ASNS: variants seen among roughly 807,000 people sequenced by gnomAD.
ASNS encodes asparagine synthetase (glutamine-hydrolyzing).
Under a neutral mutation model 62.6 loss-of-function variants are expected in ASNS, and 37 were observed. The ratio of observed to expected loss-of-function variants is 0.59; its 90% CI spans 0.45 to 0.78. ASNS has a LOEUF of 0.78. ASNS is among the 30% of genes least tolerant of loss of function. The pLI, the probability that ASNS is intolerant of heterozygous loss-of-function variation, is 0.00. For missense variants in ASNS, 520 were observed against 682.4 expected (o/e 0.76, Z 2.65); for synonymous variants, 207 against 237.9 (o/e 0.87, Z 1.19).
the ASNS span, among the ~76,000 whole-genome samples, chr7:97,909,245 C>T: frequency 1.3e-5 from 2 of 150,714 alleles, no homozygotes; most frequent in Non-Finnish European, 2.9e-5. Context: ...AAATGAAGTA[C>T]CTCCATCCCC....
At chr7:97,908,850 C>G in the ASNS span, 1 of 152,154 alleles carries the variant, frequency 6.6e-6, no homozygotes, top group Non-Finnish European at 1.5e-5. Context: ...TTTTGTGGCT[C>G]CAGCCCCAGG....
At chr7:97,927,365 C>G in the ASNS span, among the ~76,000 whole-genome samples, 1 of 152,188 alleles carries the variant, frequency 6.6e-6, no homozygotes, top group Admixed American at 6.5e-5. Flanking sequence ...ACGAGCATCC[C>G]TTAATCTCAG....
the ASNS span, among the ~76,000 whole-genome samples, chr7:97,925,724 C>T: frequency 3.7e-4 from 57 of 152,252 alleles, no homozygotes; most frequent in Admixed American, 1.8e-3. Context: ...TTACCTGGTG[C>T]GTTAATCAGG....
At chr7:97,914,181 TGGATGGATGG>T in the ASNS span, among the ~76,000 whole-genome samples, 2 of 150,934 alleles carry the variant, frequency 1.3e-5, no homozygotes. Flanking sequence ...GATGGATGGA[TGGATGGATGG>T]ATGGATGGAT....
chr7:97,915,304 C>T, the ASNS span, among the ~76,000 whole-genome samples: 129,848 of 152,198 alleles, frequency 0.85, 55,471 homozygotes, highest in East Asian at 0.91. Flanking sequence ...TAAGAGTGTG[C>T]ACCCAGCGAC....
At chr7:97,853,253 C>T (rs763195726) in intron 11 of ASNS, 38 bp from the exon 12 acceptor site, 5 of 1,607,370 alleles carry the variant, frequency 3.1e-6, no homozygotes, top group African/African-American at 2.7e-5. Context: ...GTAAAAATTA[C>T]AAATATAATC....
At chr7:97,913,150 A>G in the ASNS span, 2 of 152,108 alleles carry the variant, frequency 1.3e-5, no homozygotes, top group African/African-American at 4.8e-5. Flanking sequence ...GAAGGTCATG[A>G]TCATTGTCAG....
At chr7:97,895,523 G>T in the ASNS span, among the ~76,000 whole-genome samples, 2 of 152,234 alleles carry the variant, frequency 1.3e-5, no homozygotes, top group Non-Finnish European at 1.5e-5. Flanking sequence ...GCTGGGCATG[G>T]TAGCTCATGC....
In ASNS at chr7:97,864,259, C is replaced by A. The variant is rs755078931; in HGVS notation, c.487G>T (p.Gly163Cys). 1 of 1,609,934 alleles carries A rather than the reference C, an allele frequency of 6.2e-7. No individual in the cohort carries two copies. Among genetic ancestry groups the A allele is most frequent in the Non-Finnish European group, 8.5e-7 (1 of 1,177,456 alleles). Residue 163 changes from glycine (G) to cysteine (C), a missense_variant and splice_region_variant, in exon 4 of 13, where the codon GGT (glycine) becomes TGT (cysteine). Gly to Cys is a radical substitution (Grantham distance 159). Coordinates refer to ENST00000394308, the MANE Select transcript of ASNS (RefSeq NM_001673.5). ...GFLAVCSEAK[G>C]LVTLKHSATP... ...AATCTATAGAAAAATTTATTATTAC[C>A]TTTAGCTTCTGAACATACAGCCAAA...
the ASNS span, among the ~76,000 whole-genome samples, chr7:97,910,065 G>A: frequency 4.6e-4 from 70 of 152,172 alleles, no homozygotes; most frequent in East Asian, 0.013. Context: ...AATACAAGAC[G>A]GAGTCAAAGA....
At chr7:97,870,056 C>A (rs1418427761) in intron 1 of ASNS, 1 of 279,434 alleles carries the variant, frequency 3.6e-6, no homozygotes, top group Non-Finnish European at 6.7e-6. Flanking sequence ...AGCCCGGAAG[C>A]AAATAAATCA....
chr7:97,891,872 G>A, the ASNS span, among the ~76,000 whole-genome samples: 1 of 152,298 alleles, frequency 6.6e-6, no homozygotes, highest in Admixed American at 6.5e-5. Flanking sequence ...CAGGCACACA[G>A]TGCAAGCTGT....
At chr7:97,900,433 T>C in the ASNS span, among the ~76,000 whole-genome samples, 1 of 145,870 alleles carries the variant, frequency 6.9e-6, no homozygotes, top group Non-Finnish European at 1.5e-5. Flanking sequence ...AGAACCTTCA[T>C]ACACTGCTGG....
At chr7:97,878,199 C>A in the ASNS span, among the ~76,000 whole-genome samples, 5 of 152,162 alleles carry the variant, frequency 3.3e-5, no homozygotes, top group South Asian at 4.1e-4. Flanking sequence ...TCCTGGCCAA[C>A]CAACATGGGG....
the ASNS span, among the ~76,000 whole-genome samples, chr7:97,922,607 G>C: frequency 6.6e-6 from 1 of 152,084 alleles, no homozygotes; most frequent in Non-Finnish European, 1.5e-5. Flanking sequence ...AAAAAAATAA[G>C]TCTGGGAGGT....
chr7:97,910,217 C>T, the ASNS span, among the ~76,000 whole-genome samples: 1 of 152,206 alleles, frequency 6.6e-6, no homozygotes, highest in South Asian at 2.1e-4. Context: ...CCCTAATCAT[C>T]AGACTGGCAG....
the ASNS span, among the ~76,000 whole-genome samples, chr7:97,906,245 C>G: frequency 6.7e-6 from 1 of 150,262 alleles, no homozygotes. Flanking sequence ...ACCAGTTTCC[C>G]ACCACCACCA....
chr7:97,878,952 G>C, the ASNS span, among the ~76,000 whole-genome samples: 1 of 152,140 alleles, frequency 6.6e-6, no homozygotes, highest in Non-Finnish European at 1.5e-5. Context: ...CAGAGATATA[G>C]ACCAATGGAA....
chr7:97,903,921 G>T, the ASNS span, among the ~76,000 whole-genome samples: 2 of 152,138 alleles, frequency 1.3e-5, no homozygotes, highest in Non-Finnish European at 2.9e-5. Context: ...TATCTAAGGG[G>T]TTGCAGTATC....
Sources: gnomAD v4.1 joint callset for allele counts (sites outside exome capture counted in the v4.1 genomes callset) on GRCh38, gnomAD v4.1.1 for gene constraint, MANE v1.5 for transcripts, NCBI Gene and HGNC (gene_info 2026-07-23, HGNC 2026-07-21) for gene names.